The following FAP variants were observed in gnomAD, a reference collection of about 807,000 sequenced individuals.
FAP encodes the protein fibroblast activation protein alpha.
Under a neutral mutation model 126.5 loss-of-function variants are expected in FAP, and 110 were observed. That is an observed-to-expected ratio of 0.87 (90% CI 0.74 to 1.02). FAP has a LOEUF of 1.02. Among genes scored for constraint, FAP ranks in the 50% least tolerant of loss-of-function variants. The pLI is 0.00. For missense variants in FAP, 919 were observed against 909.2 expected, an observed-to-expected ratio of 1.01 and a Z score of -0.14; for synonymous variants, 334 against 297.3, an observed-to-expected ratio of 1.12 and a Z score of -1.27.
At chr2:162,222,325 G>C (rs999374725) in intron 6 of FAP, among the ~76,000 whole-genome samples, 4 of 152,080 alleles carry the variant, frequency 2.6e-5, no homozygotes, top group African/African-American at 9.7e-5. Flanking sequence ...CATAGAAGGG[G>C]CTCAATAAAT....
At chr2:162,237,938 C>T (rs1310818266) in intron 2 of FAP, among the ~76,000 whole-genome samples, 1 of 152,156 alleles carries the variant, frequency 6.6e-6, no homozygotes, top group African/African-American at 2.4e-5. Flanking sequence ...TTGCATTTCT[C>T]TAATTACCAG....
intron 12 of FAP, among the ~76,000 whole-genome samples, chr2:162,204,880 G>A (rs573146882): frequency 2.6e-5 from 4 of 152,144 alleles, no homozygotes; most frequent in African/African-American, 9.7e-5. Context: ...TATAATTTGA[G>A]TTCCTATATA....
intron 9 of FAP, among the ~76,000 whole-genome samples, chr2:162,216,320 G>T (rs551714448): frequency 1.3e-5 from 2 of 152,148 alleles, no homozygotes; most frequent in Non-Finnish European, 2.9e-5. Flanking sequence ...TTCCAAGACA[G>T]ATCTCTCTCA....
At chr2:162,188,703 T>C (rs1284132003) in intron 19 of FAP, among the ~76,000 whole-genome samples, 3 of 152,120 alleles carry the variant, frequency 2.0e-5, no homozygotes, top group African/African-American at 7.2e-5. Flanking sequence ...TTTAAGCAAA[T>C]TGTGTGTAGG....
At chr2:162,206,975 A>C (rs1431998839) in intron 12 of FAP, among the ~76,000 whole-genome samples, 2 of 152,200 alleles carry the variant, frequency 1.3e-5, no homozygotes, top group African/African-American at 4.8e-5. Flanking sequence ...AATATCTCTG[A>C]CAAACTCAAA....
chr2:162,193,975 A>G (rs1008244208), intron 17 of FAP: 2 of 152,138 alleles, frequency 1.3e-5, no homozygotes, highest in African/African-American at 2.4e-5. Context: ...AAATCAAAAG[A>G]TAATGGAGAG....
chr2:162,187,805 C>A (rs1687909493), intron 20 of FAP, among the ~76,000 whole-genome samples: 2 of 152,028 alleles, frequency 1.3e-5, no homozygotes, highest in South Asian at 2.1e-4. Flanking sequence ...GAGGCAGAAT[C>A]CACAATGCTT....
intron 2 of FAP, among the ~76,000 whole-genome samples, chr2:162,239,518 G>A (rs916655602): frequency 1.3e-5 from 2 of 152,072 alleles, no homozygotes; most frequent in Non-Finnish European, 2.9e-5. Context: ...AAAAAAGTTG[G>A]GGATAGGAAC....
intron 20 of FAP, among the ~76,000 whole-genome samples, chr2:162,183,826 C>T (rs1458987873): frequency 6.6e-6 from 1 of 152,108 alleles, no homozygotes; most frequent in South Asian, 2.1e-4. Flanking sequence ...TTTCCAAATC[C>T]CCAGCTATCG....
intron 8 of FAP, among the ~76,000 whole-genome samples, chr2:162,218,561 T>TTAGATAGA (rs3217172): frequency 0.015 from 2,258 of 148,566 alleles, 22 homozygotes; most frequent in Non-Finnish European, 0.016. Context: ...CACAGTTAGT[T>TTAGATAGA]TAGATAGATA....
chr2:162,230,569 T>C (rs1200911350), intron 2 of FAP, among the ~76,000 whole-genome samples: 1 of 152,104 alleles, frequency 6.6e-6, no homozygotes, highest in Non-Finnish European at 1.5e-5. Flanking sequence ...TGTTCGCTTG[T>C]TTTGAATAAT....
At position 162,194,761 on chromosome 2, in the gene FAP, T is replaced by C. The variant is rs753092163; in HGVS notation, c.1403-13A>G. ...GGGATGCCTGGGCCTGTGGGCAGGA[T>C]GAAAACAAAATCATGGCTTAGTGTT... On this transcript the variant is annotated splice_polypyrimidine_tract_variant and intron_variant, in intron 16 of 25. Transcript: ENST00000188790. 1.9e-6 allele frequency: 3 copies of C among 1,613,154 alleles called. No homozygotes were observed. The highest frequency in any genetic ancestry group is 2.5e-6 in the Non-Finnish European group (3 of 1,179,298).
chr2:162,189,830 T>C lies in FAP; in HGVS notation c.1451-76A>G, dbSNP rs1036451928. 5.2e-6 allele frequency: 4 copies of C among 773,374 alleles called. No individual in the cohort carries two copies. The African/African-American group carries it at 7.1e-5, about 14-fold the overall frequency. 47.9% of individuals were successfully genotyped at this position (773,374 alleles called of 1,614,324 possible). On this transcript the variant is annotated intron_variant, in intron 17 of 25. Transcript: ENST00000188790. Reference sequence around the variant, plus strand: ...TTTTTTTCCTTAAAATTCCTTTGACTTCAATATGGGTGAAACTGAAACTGT... The same window carrying C: ...TTTTTTTCCTTAAAATTCCTTTGACCTCAATATGGGTGAAACTGAAACTGT...
chr2:162,194,850 T>C (rs1390818769), intron 16 of FAP, 102 bp from the exon 17 acceptor site: 4 of 978,662 alleles, frequency 4.1e-6, no homozygotes, highest in African/African-American at 1.6e-5. Context: ...CAAGTGCCAG[T>C]ACATCTTTTA....
chr2:162,178,441 C>G (rs1337080662), intron 21 of FAP, among the ~76,000 whole-genome samples: 1 of 152,150 alleles, frequency 6.6e-6, no homozygotes, highest in Non-Finnish European at 1.5e-5. Context: ...AACAGCATCC[C>G]TGGCCTCTAC....
intron 2 of FAP, among the ~76,000 whole-genome samples, chr2:162,227,053 A>G (rs931594363): frequency 1.3e-5 from 2 of 152,128 alleles, no homozygotes; most frequent in African/African-American, 4.8e-5. Context: ...TATGCAGCTC[A>G]CTGTATTTCC....
intron 20 of FAP, among the ~76,000 whole-genome samples, chr2:162,184,204 T>C (rs991887638): frequency 6.6e-6 from 1 of 152,038 alleles, no homozygotes; most frequent in African/African-American, 2.4e-5. Context: ...TATCTGGGGA[T>C]TGGTTTGATA....
At chr2:162,198,047 A>AT in intron 16 of FAP, 1 of 675,674 alleles carries the variant, frequency 1.5e-6, no homozygotes, top group East Asian at 6.7e-5. Context: ...CAAGATATAG[A>AT]TAAAAGGTTG....
intron 23 of FAP, among the ~76,000 whole-genome samples, chr2:162,173,471 C>T (rs1180025342): frequency 2.0e-5 from 3 of 151,654 alleles, no homozygotes; most frequent in South Asian, 2.1e-4. Flanking sequence ...AAATGATGCC[C>T]GCTCAAGCTG....
Sources: allele counts gnomAD v4.1 joint callset (sites outside exome capture counted in the v4.1 genomes callset), GRCh38; gene constraint gnomAD v4.1.1; transcripts MANE v1.5; gene names NCBI Gene and HGNC (gene_info 2026-07-23, HGNC 2026-07-21).